Variants in ITPRID1 observed in about 807,000 individuals in gnomAD.
ITPRID1 encodes protein ITPRID1.
Under a neutral mutation model 95.4 loss-of-function variants are expected in ITPRID1, and 96 were observed. The observed-to-expected ratio is 1.01, with a 90% CI of 0.85 to 1.19. ITPRID1 has a LOEUF of 1.19. Among genes scored for constraint, ITPRID1 ranks in the 50% most tolerant of loss-of-function variants. The pLI, the probability that ITPRID1 is intolerant of heterozygous loss-of-function variation, is 0.00. For missense variants in ITPRID1, 1,339 were observed against 1,252.9 expected (o/e 1.07, Z -1.04); for synonymous variants, 510 against 453.6 (o/e 1.12, Z -1.58).
At chr7:31,596,142 C>T (rs990870030) in intron 10 of ITPRID1, among the ~76,000 whole-genome samples, 1 of 150,574 alleles carries the variant, frequency 6.6e-6, no homozygotes. Context: ...ATATATACAA[C>T]AAAAATTAAT....
At chr7:31,548,326 G>A (rs1284532629) in intron 1 of ITPRID1, among the ~76,000 whole-genome samples, 1 of 152,120 alleles carries the variant, frequency 6.6e-6, no homozygotes, top group Non-Finnish European at 1.5e-5. Context: ...GAATGCCCTG[G>A]ATGTTGATGA....
At chr7:31,628,310 CAG>C (rs1183999138) in intron 10 of ITPRID1, among the ~76,000 whole-genome samples, 2 of 152,092 alleles carry the variant, frequency 1.3e-5, no homozygotes, top group Non-Finnish European at 2.9e-5. Flanking sequence ...TAGAAGGTAA[CAG>C]GGGCAAGGAA....
At chr7:31,587,936 T>C (rs1344830175) in intron 10 of ITPRID1, among the ~76,000 whole-genome samples, 1 of 152,114 alleles carries the variant, frequency 6.6e-6, no homozygotes, top group Non-Finnish European at 1.5e-5. Context: ...TGGCTAGCCA[T>C]ATGTAGAAAG....
In ITPRID1 at chr7:31,623,808, T is replaced by C. The variant is rs567013824; in HGVS notation, c.1229-18368T>C. 2.6e-5 allele frequency among the ~76,000 whole-genome samples: 4 copies of C among 152,152 alleles called. No individual in the cohort carries two copies. The East Asian group carries it at 7.7e-4, about 29-fold the overall frequency. On this transcript the variant is annotated intron_variant, in intron 10 of 14. Coordinates refer to ENST00000615280, the MANE Select transcript of ITPRID1 (RefSeq NM_001257967.3). ...GGAGAAGGAAATAAAGGGTATTCAA[T>C]TAGGAAAAGAGCAAGTCAAATTGTC...
Position 31,655,074 on chromosome 7 carries a change from T to C in ITPRID1, c.*2245T>C, listed in dbSNP as rs1007029767. Among the ~76,000 whole-genome samples, 1 of 152,206 alleles carries C rather than the reference T, an allele frequency of 6.6e-6. No individual in the cohort carries two copies. Among genetic ancestry groups the C allele is most frequent in the Non-Finnish European group, 1.5e-5 (1 of 68,038 alleles). On this transcript the variant is annotated 3_prime_UTR_variant, in exon 15 of 15. Transcript: ENST00000615280. ...CACACTCTCCAAGCATCTATGACCC[T>C]GATTCCCAGCTCTCTCCAGTATCCC...
chr7:31,515,373 G>A (rs912540083), intron 1 of ITPRID1, among the ~76,000 whole-genome samples: 2 of 151,806 alleles, frequency 1.3e-5, no homozygotes, highest in African/African-American at 4.8e-5. Context: ...TAAGTCAAAT[G>A]GAGACCAGCC....
At chr7:31,614,649 T>A (rs1000171175) in intron 10 of ITPRID1, among the ~76,000 whole-genome samples, 4 of 152,208 alleles carry the variant, frequency 2.6e-5, no homozygotes, top group Non-Finnish European at 5.9e-5. Context: ...TTAACTGAGA[T>A]AATTTCACGT....
intron 1 of ITPRID1, among the ~76,000 whole-genome samples, chr7:31,532,987 A>G (rs1286085101): frequency 6.6e-6 from 1 of 152,172 alleles, no homozygotes; most frequent in Non-Finnish European, 1.5e-5. Context: ...GTTTTCTTGA[A>G]ATGCCTTTAT....
At chr7:31,657,991 T>C (rs1791375556), downstream of ITPRID1, among the ~76,000 whole-genome samples, 2 of 152,322 alleles carry the variant, frequency 1.3e-5, no homozygotes, top group Non-Finnish European at 2.9e-5. Flanking sequence ...CCAGATTCCA[T>C]TTATTCAAAG....
intron 10 of ITPRID1, among the ~76,000 whole-genome samples, chr7:31,619,199 A>C (rs1333864525): frequency 6.6e-6 from 1 of 152,094 alleles, no homozygotes; most frequent in Non-Finnish European, 1.5e-5. Context: ...TGTCCTTTCT[A>C]TGTCTATTTT....
intron 13 of ITPRID1, 117 bp downstream of exon 13, chr7:31,651,386 C>G (rs1790936480): frequency 1.7e-6 from 2 of 1,207,414 alleles, no homozygotes; most frequent in Admixed American, 2.8e-5. Context: ...AACCGGCCAG[C>G]TTTTCCTTTG....
At chr7:31,587,851 C>G (rs944342781) in intron 10 of ITPRID1, among the ~76,000 whole-genome samples, 1 of 151,498 alleles carries the variant, frequency 6.6e-6, no homozygotes, top group African/African-American at 2.4e-5. Flanking sequence ...CTACAACTAT[C>G]TGATCTTTGA....
chr7:31,630,842 C>T (rs185605686), intron 10 of ITPRID1, among the ~76,000 whole-genome samples: 1 of 151,054 alleles, frequency 6.6e-6, no homozygotes, highest in Non-Finnish European at 1.5e-5. Context: ...TCAATGAAAA[C>T]AAAAAGAAAA....
intron 10 of ITPRID1, among the ~76,000 whole-genome samples, chr7:31,606,402 A>T (rs1048031414): frequency 1.3e-5 from 2 of 152,174 alleles, no homozygotes; most frequent in African/African-American, 4.8e-5. Context: ...TAAAAAGTCA[A>T]CAAAGCCAAA....
intron 5 of ITPRID1, among the ~76,000 whole-genome samples, chr7:31,561,695 C>T (rs1204119779): frequency 2.0e-5 from 3 of 152,198 alleles, no homozygotes; most frequent in African/African-American, 7.2e-5. Context: ...CTGACAGTCT[C>T]ATCTCCAGGG....
intron 12 of ITPRID1, among the ~76,000 whole-genome samples, chr7:31,646,690 G>C (rs1790496462): frequency 6.6e-6 from 1 of 152,086 alleles, no homozygotes; most frequent in African/African-American, 2.4e-5. Flanking sequence ...TTGACACTTT[G>C]TCATATCAGC....
intron 5 of ITPRID1, among the ~76,000 whole-genome samples, chr7:31,558,403 T>C (rs1784520865): frequency 6.6e-6 from 1 of 152,212 alleles, no homozygotes; most frequent in African/African-American, 2.4e-5. Flanking sequence ...GCCTTCTGAC[T>C]CTTATGCATC....
At chr7:31,584,724 T>C (rs1222272752) in intron 10 of ITPRID1, among the ~76,000 whole-genome samples, 2 of 152,232 alleles carry the variant, frequency 1.3e-5, no homozygotes. Flanking sequence ...AGAATAAATA[T>C]GTAAAACTAG....
At chr7:31,527,360 A>T (rs1783453343) in intron 1 of ITPRID1, among the ~76,000 whole-genome samples, 1 of 152,222 alleles carries the variant, frequency 6.6e-6, no homozygotes, top group Non-Finnish European at 1.5e-5. Context: ...GCAGTATGTC[A>T]AAAACTCACT....
Sources: gnomAD v4.1 joint callset for allele counts (sites outside exome capture counted in the v4.1 genomes callset) on GRCh38, gnomAD v4.1.1 for gene constraint, MANE v1.5 for transcripts, NCBI Gene and HGNC (gene_info 2026-07-23, HGNC 2026-07-21) for gene names.